The following ARRDC1 variants were observed in gnomAD, a reference collection of about 807,000 sequenced individuals.
ARRDC1 encodes the protein arrestin domain-containing protein 1.
Under a neutral mutation model 40.1 loss-of-function variants are expected in ARRDC1, and 37 were observed. The observed-to-expected ratio is 0.92, with a 90% CI of 0.71 to 1.21. ARRDC1 has a LOEUF of 1.21. Among genes scored for constraint, ARRDC1 ranks in the 50% most tolerant of loss-of-function variants. The pLI is 0.00. For missense variants in ARRDC1, 641 were observed against 581.9 expected, an observed-to-expected ratio of 1.10 and a Z score of -1.04; for synonymous variants, 310 against 262.5, an observed-to-expected ratio of 1.18 and a Z score of -1.75.
intron 4 of ARRDC1, 87 bp from the exon 5 acceptor site, chr9:137,613,945 C>T (rs750956239): frequency 1.2e-4 from 188 of 1,560,070 alleles, no homozygotes; most frequent in Non-Finnish European, 1.5e-4. Flanking sequence ...AGGGGCAGGG[C>T]GTGGCAGGGC....
intron 2 of ARRDC1, chr9:137,613,236 T>G: frequency 1.4e-6 from 1 of 738,228 alleles, no homozygotes; most frequent in East Asian, 2.7e-5. Context: ...GGCACAGCTG[T>G]TTCACCCTTG....
At chr9:137,607,169 G>T (rs1046215297) in intron 1 of ARRDC1, among the ~76,000 whole-genome samples, 1 of 152,252 alleles carries the variant, frequency 6.6e-6, no homozygotes, top group African/African-American at 2.4e-5. Context: ...GGCCCTGATG[G>T]GCCAGAGAGC....
chr9:137,615,329 A>G lies in ARRDC1; in HGVS notation c.*191A>G, dbSNP rs1475494. 8,185 of 579,402 alleles carry G rather than the reference A, an allele frequency of 0.014. 488 individuals are homozygous for G. The highest frequency in any genetic ancestry group is 0.13 in the African/African-American group (7,060 of 52,610). The allele number at this position is 579,402 out of a possible 1,614,324, so 35.9% of individuals were successfully genotyped here. The stretch of plus-strand genomic sequence containing the variant: ...GCAGGGAGCTGGGACCTGGAGAGAC[A>G]ACTCCTGTAAATAAAACACTTTATT... On this transcript the variant is annotated 3_prime_UTR_variant, in exon 8 of 8. Transcript: ENST00000371421.
At chr9:137,608,461 C>G (rs913355595) in intron 1 of ARRDC1, among the ~76,000 whole-genome samples, 1 of 152,214 alleles carries the variant, frequency 6.6e-6, no homozygotes, top group Non-Finnish European at 1.5e-5. Context: ...GCGAAAGGCT[C>G]GGTTCCCTTC....
chr9:137,614,311 A>G lies in ARRDC1; in HGVS notation c.631A>G (p.Lys211Glu), dbSNP rs1319268719. 2.5e-6 allele frequency: 4 copies of G among 1,599,916 alleles called. No homozygotes were observed. Among genetic ancestry groups the G allele is most frequent in the South Asian group, 2.2e-5 (2 of 89,070 alleles). Reference sequence around the variant, plus strand: ...GGTCCTTCCCCAGAAAGTGTCCTATAAGGCCAAGCGCTGGATCCACGACGT... The same window carrying G: ...GGTCCTTCCCCAGAAAGTGTCCTATGAGGCCAAGCGCTGGATCCACGACGT... ...VASLLQKVSYKAKRWIHDVRT... is the reference protein window; with the variant it reads ...VASLLQKVSYEAKRWIHDVRT... The change falls in exon 6 of 8, where the codon AAG (lysine) becomes GAG (glutamate). Residue 211 changes from lysine (K) to glutamate (E), a missense_variant. Physicochemically the swap from Lys to Glu is moderately conservative, Grantham distance 56. Transcript: ENST00000371421.
intron 1 of ARRDC1, among the ~76,000 whole-genome samples, chr9:137,607,060 C>T (rs1224033818): frequency 2.6e-5 from 4 of 152,220 alleles, no homozygotes; most frequent in Non-Finnish European, 5.9e-5. Context: ...GGGCAGCTGG[C>T]CCAAGAGCCG....
In ARRDC1 at chr9:137,614,343, C is replaced by T. The variant is rs140868031; in HGVS notation, c.663C>T (p.Thr221=). 8.7e-6 allele frequency: 14 copies of T among 1,612,364 alleles called. No homozygotes were observed. The highest frequency in any genetic ancestry group is 8.0e-5 in the African/African-American group (6 of 75,048). ...AGCGCTGGATCCACGACGTACGGAC[C>T]ATTGCGGAGGTGGAGGGTGCGGGCG... The part of the protein sequence containing the change: ...KAKRWIHDVR[T]IAEVEGAGVK... Residue 221 remains threonine, a synonymous_variant, in exon 6 of 8, where the codon ACC becomes ACT. Transcript: ENST00000371421.
intron 2 of ARRDC1, 67 bp downstream of exon 2, chr9:137,613,073 T>C: frequency 8.5e-7 from 1 of 1,178,760 alleles, no homozygotes; most frequent in Non-Finnish European, 1.3e-6. Context: ...GGCCTGTCTG[T>C]CCTGTCCTCC....
At chr9:137,609,830 C>G (rs190139724) in intron 1 of ARRDC1, among the ~76,000 whole-genome samples, 4 of 151,320 alleles carry the variant, frequency 2.6e-5, no homozygotes, top group African/African-American at 7.3e-5. Flanking sequence ...CCAGCTGTGT[C>G]GAGACATTTA....
chr9:137,611,185 C>A (rs1024298515), intron 1 of ARRDC1, among the ~76,000 whole-genome samples: 16 of 152,104 alleles, frequency 1.1e-4, no homozygotes, highest in Non-Finnish European at 1.3e-4. Context: ...TACTGGTGTT[C>A]CGGATTTTCA....
At position 137,605,692 on chromosome 9, in the gene ARRDC1, G is replaced by A; in HGVS notation, c.-26G>A. On this transcript the variant is annotated 5_prime_UTR_variant, in exon 1 of 8. Transcript: ENST00000371421. ...GCGGGCGGCGGGCGGGGGCGTCGCT[G>A]CGCGGCTGGCCGGTGAGGCCGCGGC... 2 of 1,316,516 alleles carry A rather than the reference G, an allele frequency of 1.5e-6. No homozygotes were observed. The highest frequency in any genetic ancestry group is 3.3e-5 in the East Asian group (1 of 30,112). 81.6% of individuals were successfully genotyped at this position (1,316,516 alleles called of 1,614,324 possible). A position where few individuals can be genotyped will look rare whatever the true frequency, so the allele number is the denominator to read the frequency against.
chr9:137,608,044 G>A (rs1254921939), intron 1 of ARRDC1, among the ~76,000 whole-genome samples: 4 of 152,050 alleles, frequency 2.6e-5, no homozygotes, highest in South Asian at 2.1e-4. Flanking sequence ...GTGTGCCGGC[G>A]CGATCTCGGC....
Position 137,614,341 on chromosome 9 carries a change from A to G in ARRDC1, c.661A>G (p.Thr221Ala), listed in dbSNP as rs758077545. 1 of 1,612,224 alleles carries G rather than the reference A, an allele frequency of 6.2e-7. No homozygotes were observed. The change falls in exon 6 of 8, where the codon ACC (threonine) becomes GCC (alanine). Residue 221 changes from threonine to alanine, a missense_variant. Physicochemically the swap from Thr to Ala is moderately conservative, Grantham distance 58. Transcript: ENST00000371421. The part of the protein sequence containing the change: ...KAKRWIHDVR[T>A]IAEVEGAGVK... ...CAAGCGCTGGATCCACGACGTACGG[A>G]CCATTGCGGAGGTGGAGGGTGCGGG...
At chr9:137,613,997 C>G in intron 4 of ARRDC1, 35 bp from the exon 5 acceptor site, 1 of 1,609,698 alleles carries the variant, frequency 6.2e-7, no homozygotes. Context: ...AGCCTGCGCA[C>G]ACCTGCTAAG....
intron 1 of ARRDC1, among the ~76,000 whole-genome samples, chr9:137,607,285 C>T (rs900908682): frequency 6.6e-6 from 1 of 152,358 alleles, no homozygotes; most frequent in African/African-American, 2.4e-5. Context: ...GGTTTCTTTT[C>T]CTCATTCAGA....
chr9:137,608,719 G>A (rs750614519), intron 1 of ARRDC1, among the ~76,000 whole-genome samples: 30 of 152,288 alleles, frequency 2.0e-4, no homozygotes, highest in Non-Finnish European at 2.9e-5. Context: ...ACCTGAAGCA[G>A]TTGCTGAGAG....
intron 1 of ARRDC1, chr9:137,612,102 G>C (rs1398703627): frequency 6.6e-6 from 1 of 152,602 alleles, no homozygotes; most frequent in Non-Finnish European, 1.5e-5. Flanking sequence ...CCTGGGTCTT[G>C]TGCTGTGTGT....
At chr9:137,608,298 C>A (rs893139964) in intron 1 of ARRDC1, among the ~76,000 whole-genome samples, 2 of 152,200 alleles carry the variant, frequency 1.3e-5, no homozygotes, top group Non-Finnish European at 2.9e-5. Flanking sequence ...ATTTTTTAAA[C>A]CTGCATGGGG....
In ARRDC1 at chr9:137,613,771, T is replaced by G; in HGVS notation, c.435+2T>G. 6.2e-7 allele frequency: 1 copy of G among 1,613,958 alleles called. No homozygotes were observed. The highest frequency in any genetic ancestry group is 1.7e-5 in the Admixed American group (1 of 59,978). ...CTGAACAGCATCCCAGACATTGAGG[T>G]GAGGATGGCACAGTGACCTCCTTGG... On this transcript the variant is annotated splice_donor_variant, in intron 4 of 7. Coordinates refer to ENST00000371421, the MANE Select transcript of ARRDC1 (RefSeq NM_152285.4). LOFTEE classifies it high-confidence loss of function.
Sources: gnomAD v4.1 joint callset for allele counts (sites outside exome capture counted in the v4.1 genomes callset) on GRCh38, gnomAD v4.1.1 for gene constraint, MANE v1.5 for transcripts, NCBI Gene and HGNC (gene_info 2026-07-23, HGNC 2026-07-21) for gene names.